The following RIPOR2 variants were observed in gnomAD, a reference collection of about 807,000 sequenced individuals.
RIPOR2 encodes the protein rho family-interacting cell polarization regulator 2.
Under a neutral mutation model 114.5 loss-of-function variants are expected in RIPOR2, and 39 were observed. The observed-to-expected ratio is 0.34, with a 90% CI of 0.26 to 0.44. The LOEUF (loss-of-function observed/expected upper bound fraction) is 0.44, where lower values mean the gene tolerates loss of function less well. RIPOR2 is among the 20% of genes least tolerant of loss of function. The probability of loss-of-function intolerance (pLI) is 1.00; values close to 1 mark genes in which losing one functional copy is unlikely to be tolerated. For synonymous variants in RIPOR2, 445 were observed against 484.4 expected, an observed-to-expected ratio of 0.92 and a Z score of 1.07; for missense variants, 1,007 against 1,255.1, an observed-to-expected ratio of 0.80 and a Z score of 2.99.
chr6:25,000,707 T>C (rs758428551), intron 1 of RIPOR2, among the ~76,000 whole-genome samples: 1 of 151,898 alleles, frequency 6.6e-6, no homozygotes, highest in Non-Finnish European at 1.5e-5. Context: ...AGTATCTCTG[T>C]GGAAAAGTAG....
intron 1 of RIPOR2, among the ~76,000 whole-genome samples, chr6:25,006,654 G>C (rs1459306443): frequency 6.6e-6 from 1 of 152,214 alleles, no homozygotes; most frequent in Non-Finnish European, 1.5e-5. Context: ...GCTCTGTGGA[G>C]TACGGACTGT....
At chr6:24,855,532 ACAG>A (rs1763383375) in intron 8 of RIPOR2, among the ~76,000 whole-genome samples, 1 of 152,252 alleles carries the variant, frequency 6.6e-6, no homozygotes, top group Non-Finnish European at 1.5e-5. Flanking sequence ...TGGTCCAGAA[ACAG>A]CTGTTAGTCC....
intron 4 of RIPOR2, 99 bp from the exon 5 acceptor site, chr6:24,870,988 G>A: frequency 1.5e-6 from 1 of 657,502 alleles, no homozygotes; most frequent in East Asian, 3.2e-5. Flanking sequence ...ATTATCTGTG[G>A]AAATAATGAT....
chr6:24,847,480 A>G (rs1442531180), intron 12 of RIPOR2: 2 of 1,496,786 alleles, frequency 1.3e-6, no homozygotes, highest in Non-Finnish European at 9.1e-7. Flanking sequence ...GAGACATGCT[A>G]AGTCACACAT....
intron 1 of RIPOR2, among the ~76,000 whole-genome samples, chr6:25,012,896 A>G (rs1033523363): frequency 9.2e-5 from 14 of 152,164 alleles, no homozygotes; most frequent in Admixed American, 5.9e-4. Context: ...ATCACATCTC[A>G]ACAAAGTTGT....
chr6:24,929,677 T>C (rs1016007875), intron 1 of RIPOR2, among the ~76,000 whole-genome samples: 1 of 152,242 alleles, frequency 6.6e-6, no homozygotes, highest in African/African-American at 2.4e-5. Flanking sequence ...TTAAACATTT[T>C]AGTTAAACAT....
intron 1 of RIPOR2, among the ~76,000 whole-genome samples, chr6:24,959,433 G>A (rs1773201490): frequency 6.6e-6 from 1 of 152,194 alleles, no homozygotes; most frequent in Non-Finnish European, 1.5e-5. Flanking sequence ...GGTAATGGAG[G>A]AATGGTCTCA....
At chr6:24,952,203 C>T (rs1167786897) in intron 1 of RIPOR2, among the ~76,000 whole-genome samples, 4 of 152,136 alleles carry the variant, frequency 2.6e-5, no homozygotes, top group South Asian at 2.1e-4. Context: ...CAAGGTAAAG[C>T]GCAGAATAGT....
At chr6:25,014,406 A>G (rs1356477553) in intron 1 of RIPOR2, among the ~76,000 whole-genome samples, 2 of 152,210 alleles carry the variant, frequency 1.3e-5, no homozygotes, top group African/African-American at 4.8e-5. Context: ...ATTTCTTTTT[A>G]AAGAAGCAGC....
chr6:24,839,489 C>T (rs1761424124), intron 13 of RIPOR2: 6 of 1,413,344 alleles, frequency 4.2e-6, no homozygotes, highest in Non-Finnish European at 5.7e-6. Flanking sequence ...CAGAAGAATC[C>T]AGAGGGAAGT....
intron 1 of RIPOR2, among the ~76,000 whole-genome samples, chr6:24,906,131 G>A (rs200325973): frequency 9.5e-6 from 1 of 104,758 alleles, no homozygotes; most frequent in African/African-American, 3.3e-5. Context: ...TTTCACAATT[G>A]TTCTTATCTG....
In RIPOR2 at chr6:24,902,577, A is replaced by G. The variant is rs188778343; in HGVS notation, c.62-26760T>C. Among the ~76,000 whole-genome samples the G allele has an allele frequency of 4.3e-4, 65 of 152,266 alleles. No individual in the cohort carries two copies. In the East Asian group the frequency reaches 0.012, roughly 28 times the overall value. On this transcript the variant is annotated intron_variant, in intron 1 of 21. Coordinates refer to ENST00000643898, the MANE Select transcript of RIPOR2 (RefSeq NM_001286445.3). ...ACCCCAATTTGAGGACACTTCCTGA[A>G]GTAAGGTTTGCACTACCTATACTTG...
intron 7 of RIPOR2, among the ~76,000 whole-genome samples, chr6:24,862,956 C>T (rs879390801): frequency 6.6e-6 from 1 of 151,918 alleles, no homozygotes; most frequent in Non-Finnish European, 1.5e-5. Flanking sequence ...TTCTTTCTTG[C>T]TTTTTTGTTT....
chr6:24,909,068 T>C (rs1769273560), intron 1 of RIPOR2, among the ~76,000 whole-genome samples: 1 of 152,222 alleles, frequency 6.6e-6, no homozygotes, highest in Admixed American at 6.5e-5. Flanking sequence ...GATTCTCCAA[T>C]GTTCAAGTTT....
At chr6:25,006,433 G>A (rs1389520207) in intron 1 of RIPOR2, among the ~76,000 whole-genome samples, 1 of 152,186 alleles carries the variant, frequency 6.6e-6, no homozygotes, top group East Asian at 1.9e-4. Context: ...GGAATAAATT[G>A]TATTTGTCTT....
chr6:24,906,419 C>T (rs4286774), intron 1 of RIPOR2, among the ~76,000 whole-genome samples: 4,268 of 152,224 alleles, frequency 0.028, 162 homozygotes, highest in African/African-American at 0.084. Context: ...TCATTGACTA[C>T]TCCAATCACA....
intron 1 of RIPOR2, among the ~76,000 whole-genome samples, chr6:25,028,704 C>T (rs1254069369): frequency 6.6e-6 from 1 of 152,238 alleles, no homozygotes; most frequent in African/African-American, 2.4e-5. Flanking sequence ...AGGGATAGTA[C>T]AGATCCTTCT....
At chr6:24,837,365 A>G (rs1197994907) in intron 14 of RIPOR2, among the ~76,000 whole-genome samples, 5 of 151,882 alleles carry the variant, frequency 3.3e-5, no homozygotes, top group Non-Finnish European at 7.4e-5. Flanking sequence ...CAAGTGATTC[A>G]CCCTCCAGCT....
intron 19 of RIPOR2, among the ~76,000 whole-genome samples, chr6:24,820,566 C>A (rs1418181661): frequency 6.6e-6 from 1 of 152,162 alleles, no homozygotes. Flanking sequence ...AATCTACTCT[C>A]CATTACTATG....
Sources: gnomAD v4.1 joint callset for allele counts (sites outside exome capture counted in the v4.1 genomes callset) on GRCh38, gnomAD v4.1.1 for gene constraint, MANE v1.5 for transcripts, NCBI Gene and HGNC (gene_info 2026-07-23, HGNC 2026-07-21) for gene names.